The following ZFP64 variants were observed in gnomAD, a reference collection of about 807,000 sequenced individuals.
The protein encoded by ZFP64 is zinc finger protein 64.
In ZFP64, 14 loss-of-function variants were observed where a neutral mutation model predicts 51.6. The ratio of observed to expected loss-of-function variants is 0.27; its 90% CI spans 0.18 to 0.42. ZFP64 has a LOEUF of 0.42. Among genes scored for constraint, ZFP64 ranks in the 10% least tolerant of loss-of-function variants. The pLI, the probability that ZFP64 is intolerant of heterozygous loss-of-function variation, is 1.00. For missense variants in ZFP64, 754 were observed against 906.8 expected (o/e 0.83, Z 2.16); for synonymous variants, 375 against 361.4 (o/e 1.04, Z -0.43).
Position 52,160,102 on chromosome 20 carries a change from C to T in ZFP64, c.763+21G>A, listed in dbSNP as rs1398670241. On this transcript the variant is annotated intron_variant, in intron 5 of 5. Coordinates refer to ENST00000216923, the MANE Select transcript of ZFP64 (RefSeq NM_018197.3). This position sits in a 1 kb window ranked among gnomAD's most constrained non-coding sequence, Gnocchi z 4.2. ...CATAGAAAGTGAGGAGCGTAGAGAG[C>T]AAATAACAGGCAGGACTCACCCGTG... 1 of 1,614,136 alleles carries T rather than the reference C, an allele frequency of 6.2e-7. No individual in the cohort carries two copies. The highest frequency in any genetic ancestry group is 1.1e-5 in the South Asian group (1 of 91,080).
Position 52,153,082 on chromosome 20 carries a change from A to G in ZFP64, c.1110T>C (p.Pro370=), listed in dbSNP as rs1307475483. 1 of 1,614,176 alleles carries G rather than the reference A, an allele frequency of 6.2e-7. No homozygotes were observed. Among genetic ancestry groups the G allele is most frequent in the South Asian group, 1.1e-5 (1 of 91,072 alleles). ...IHERIHCTDR[P]FKCNYCSFDT... ...CGAAGCTGCAGTAGTTGCACTTGAAAGGGCGGTCGGTGCAGTGGATACGCT... is the reference window on the plus strand; with the variant it reads ...CGAAGCTGCAGTAGTTGCACTTGAAGGGGCGGTCGGTGCAGTGGATACGCT... Residue 370 remains proline (P), a synonymous_variant, in exon 6 of 6, where the codon CCT becomes CCC. Transcript: ENST00000216923. The surrounding 1 kb of genome is among the most constrained non-coding windows in gnomAD (Gnocchi z 5.1).
Position 52,186,903 on chromosome 20 carries a change from T to G in ZFP64, c.215A>C (p.Glu72Ala), listed in dbSNP as rs140971356. 1,134 of 1,614,018 alleles carry G rather than the reference T, an allele frequency of 7.0e-4. 6 individuals are homozygous for G. The African/African-American group carries it at 0.012, about 17-fold the overall frequency. The change falls in exon 2 of 6, where the codon GAG (glutamate) becomes GCG (alanine). Residue 72 changes from glutamate (E) to alanine (A), a missense_variant. Transcript: ENST00000216923. Reference sequence around the variant, plus strand: ...AGTCTGGGTGGCAGGCACTGTTTCCTCCGATACAAACTGGACCGTGCTGGG... The same window carrying G: ...AGTCTGGGTGGCAGGCACTGTTTCCGCCGATACAAACTGGACCGTGCTGGG... ...AAPSTVQFVS[E>A]ETVPATQTQT...
intron 5 of ZFP64, among the ~76,000 whole-genome samples, chr20:52,109,314 C>T (rs1343500725): frequency 6.6e-6 from 1 of 152,106 alleles, no homozygotes; most frequent in Non-Finnish European, 1.5e-5. Flanking sequence ...CAGGCACCCA[C>T]CACCATGCCT....
intron 5 of ZFP64, among the ~76,000 whole-genome samples, chr20:52,157,288 C>A (rs1981395257): frequency 6.6e-6 from 1 of 152,224 alleles, no homozygotes; most frequent in Admixed American, 6.5e-5. Flanking sequence ...GAAAAAGAGG[C>A]AAGATTCCAA....
At chr20:52,151,160 T>A (rs1980770920), downstream of ZFP64, 1 of 829,984 alleles carries the variant, frequency 1.2e-6, no homozygotes, top group Non-Finnish European at 1.5e-6. Context: ...GTAAGATGAT[T>A]GTGTGACGTT....
At chr20:52,163,672 C>CTAAA (rs1324434395) in intron 4 of ZFP64, among the ~76,000 whole-genome samples, 3 of 152,160 alleles carry the variant, frequency 2.0e-5, no homozygotes, top group African/African-American at 7.2e-5. Context: ...AAGGCTGAGG[C>CTAAA]TAAATAGCAG....
At chr20:52,084,110 T>A in exon 9 of ZFP64, 1 of 161,194 alleles carries the variant, frequency 6.2e-6, no homozygotes, top group South Asian at 1.9e-4. Context: ...GGTTATGAAA[T>A]AGAAGTTTTC....
intron 5 of ZFP64, among the ~76,000 whole-genome samples, chr20:52,138,090 C>A (rs1221115346): frequency 6.6e-6 from 1 of 151,252 alleles, no homozygotes; most frequent in South Asian, 2.1e-4. Flanking sequence ...ATCTGGAGTC[C>A]CAACTACTTG....
intron 5 of ZFP64, among the ~76,000 whole-genome samples, chr20:52,142,297 G>A (rs368644098): frequency 1.3e-5 from 2 of 151,712 alleles, no homozygotes; most frequent in South Asian, 2.1e-4. Context: ...GAACTCGGGC[G>A]GCGGAGGTTG....
chr20:52,149,931 A>C (rs944558458), downstream of ZFP64, among the ~76,000 whole-genome samples: 2 of 152,172 alleles, frequency 1.3e-5, no homozygotes, highest in Admixed American at 6.5e-5. Context: ...GATAGGGGCC[A>C]GGTACGGTGG....
chr20:52,189,326 G>A lies in ZFP64; in HGVS notation c.47-2255C>T, dbSNP rs190957161. ...CAGGAGAATTGCTTGAACCTGGGAC[G>A]TGGAGGTTGCAGTGAGCCAAGATCA... is the stretch of plus-strand genomic sequence containing the variant. On this transcript the variant is annotated intron_variant, in intron 1 of 5. Coordinates refer to ENST00000216923, the MANE Select transcript of ZFP64 (RefSeq NM_018197.3). Among the ~76,000 whole-genome samples, 19 of 151,578 alleles carry A rather than the reference G, an allele frequency of 1.3e-4. No individual in the cohort carries two copies. The East Asian group carries it at 2.4e-3, about 19-fold the overall frequency.
chr20:52,144,777 G>A (rs761402883), intron 5 of ZFP64, among the ~76,000 whole-genome samples: 1 of 151,578 alleles, frequency 6.6e-6, no homozygotes, highest in Non-Finnish European at 1.5e-5. Context: ...AACAAGAAAG[G>A]TGGTGGACCC....
chr20:52,105,196 G>A (rs780134582), intron 5 of ZFP64: 4 of 1,433,952 alleles, frequency 2.8e-6, no homozygotes, highest in Admixed American at 2.9e-5. Context: ...GCGGCTCCTC[G>A]GAGTTGAGGT....
chr20:52,180,186 C>T (rs1326138326), intron 2 of ZFP64, among the ~76,000 whole-genome samples: 1 of 152,234 alleles, frequency 6.6e-6, no homozygotes, highest in Admixed American at 6.5e-5. Context: ...CACCAAGACC[C>T]AGCTAATCAT....
At chr20:52,177,582 G>A (rs1402887205) in intron 2 of ZFP64, among the ~76,000 whole-genome samples, 3 of 152,112 alleles carry the variant, frequency 2.0e-5, no homozygotes, top group Admixed American at 1.3e-4. Flanking sequence ...GCCATGCGGA[G>A]GACGCGAGGG....
At chr20:52,138,368 A>G (rs1189263078) in intron 5 of ZFP64, among the ~76,000 whole-genome samples, 1 of 152,158 alleles carries the variant, frequency 6.6e-6, no homozygotes, top group East Asian at 1.9e-4. Flanking sequence ...TAGCACATAT[A>G]TATTACTGTA....
intron 5 of ZFP64, among the ~76,000 whole-genome samples, chr20:52,107,114 A>G (rs1978327023): frequency 1.3e-5 from 1 of 77,552 alleles, no homozygotes; most frequent in Admixed American, 1.5e-4. Flanking sequence ...ATATGTATAT[A>G]TACACACACG....
intron 5 of ZFP64, chr20:52,104,972 C>G: frequency 1.2e-6 from 1 of 822,022 alleles, no homozygotes; most frequent in Middle Eastern, 3.5e-4. Context: ...TTTACAAAGG[C>G]GGGGGGCGGG....
chr20:52,092,410 T>C (rs1266648836), intron 7 of ZFP64, among the ~76,000 whole-genome samples: 1 of 152,180 alleles, frequency 6.6e-6, no homozygotes, highest in Non-Finnish European at 1.5e-5. Context: ...ACCATTCCAA[T>C]AGACTTTGGA....
Sources: allele counts gnomAD v4.1 joint callset (sites outside exome capture counted in the v4.1 genomes callset), GRCh38; gene constraint gnomAD v4.1.1; non-coding constraint Gnocchi (gnomAD v3.1); transcripts MANE v1.5; gene names NCBI Gene and HGNC (gene_info 2026-07-23, HGNC 2026-07-21).